The following WNT2B variants were observed in gnomAD, a reference collection of about 807,000 sequenced individuals.
WNT2B encodes protein Wnt-2b.
Under a neutral mutation model 40.5 loss-of-function variants are expected in WNT2B, and 19 were observed. That is an observed-to-expected ratio of 0.47 (90% CI 0.33 to 0.69). The LOEUF (loss-of-function observed/expected upper bound fraction) is 0.69. Ranked by LOEUF, WNT2B falls within the 30% of genes least tolerant of loss-of-function variation. The pLI, the probability that WNT2B is intolerant of heterozygous loss-of-function variation, is 0.02. For synonymous variants in WNT2B, 220 were observed against 211.9 expected, an observed-to-expected ratio of 1.04 and a Z score of -0.33; for missense variants, 467 against 556.4, an observed-to-expected ratio of 0.84 and a Z score of 1.62.
intron 1 of WNT2B, among the ~76,000 whole-genome samples, chr1:112,502,114 T>TC (rs973384692): frequency 6.6e-6 from 1 of 152,158 alleles, no homozygotes; most frequent in African/African-American, 2.4e-5. Flanking sequence ...CTGAGCGGTC[T>TC]CCCCTCACTC....
Position 112,526,145 on chromosome 1 carries a change from C to A in WNT2B, c.*5636C>A. 3 of 1,613,534 alleles carry A rather than the reference C, an allele frequency of 1.9e-6. No individual in the cohort carries two copies. Among genetic ancestry groups the A allele is most frequent in the Non-Finnish European group, 2.5e-6 (3 of 1,179,786 alleles). ...CAGAAATTGATACAAAATGTTCAAG[C>A]CCTGTAGGAGTCCCAGGACAGCCAA... On this transcript the variant is annotated 3_prime_UTR_variant, in exon 5 of 5. Coordinates refer to ENST00000369684, the MANE Select transcript of WNT2B (RefSeq NM_024494.3).
At chr1:112,500,862 T>C (rs1444854425) in intron 1 of WNT2B, among the ~76,000 whole-genome samples, 1 of 152,190 alleles carries the variant, frequency 6.6e-6, no homozygotes. Context: ...ATATCCCAGT[T>C]TTCCCGATTA....
intron 1 of WNT2B, among the ~76,000 whole-genome samples, chr1:112,493,212 A>C (rs1308305126): frequency 1.3e-5 from 2 of 152,222 alleles, no homozygotes; most frequent in Non-Finnish European, 2.9e-5. Flanking sequence ...AATGCTAGAG[A>C]TCCTGCTCCA....
In WNT2B at chr1:112,517,197, G is replaced by A. The variant is rs375265204; in HGVS notation, c.758G>A (p.Arg253His). Residue 253 changes from arginine (R) to histidine (H), a missense_variant, in exon 4 of 5, where the codon CGT becomes CAT. By Grantham distance (29) the Arg-to-His change is conservative (BLOSUM62 0). Coordinates refer to ENST00000369684, the MANE Select transcript of WNT2B (RefSeq NM_024494.3). ...TCCTGTACTCTGCGCACCTGCTGGC[G>A]TGCACTCTCAGATTTCCGCCGCACA... ...SGSCTLRTCW[R>H]ALSDFRRTGD... 2.5e-5 allele frequency: 40 copies of A among 1,614,066 alleles called. No homozygotes were observed. The highest frequency in any genetic ancestry group is 1.6e-4 in the Middle Eastern group (1 of 6,064).
intron 1 of WNT2B, among the ~76,000 whole-genome samples, chr1:112,472,551 C>T (rs909192481): frequency 1.4e-5 from 2 of 146,510 alleles, no homozygotes; most frequent in African/African-American, 5.1e-5. Flanking sequence ...CACCAACCCC[C>T]AACCAATGAA....
Position 112,481,917 on chromosome 1 carries a change from C to T in WNT2B, c.-95+14326C>T, listed in dbSNP as rs143961922. ...ATCCCAGCACCTTGGGAGGCAGAGG[C>T]GGGCAGATCACTTGAGGTCAGGAGT... On this transcript the variant is annotated intron_variant, in intron 1 of 4. Transcript: ENST00000256640. 5.7e-3 allele frequency among the ~76,000 whole-genome samples: 867 copies of T among 151,928 alleles called. 6 individuals carry two copies. Among genetic ancestry groups the T allele is most frequent in the African/African-American group, 0.019 (798 of 41,424 alleles).
intron 4 of WNT2B, among the ~76,000 whole-genome samples, 165 bp downstream of exon 4, chr1:112,517,550 C>G (rs1490917028): frequency 6.6e-6 from 1 of 152,178 alleles, no homozygotes; most frequent in Non-Finnish European, 1.5e-5. Flanking sequence ...TGCAGTCCAC[C>G]AGGCCCAGTG....
chr1:112,527,713 C>A lies in WNT2B; in HGVS notation c.*7204C>A, dbSNP rs1048735275. 1 of 152,546 alleles carries A rather than the reference C, an allele frequency of 6.6e-6. No individual in the cohort carries two copies. The highest frequency in any genetic ancestry group is 1.5e-5 in the Non-Finnish European group (1 of 68,050). The allele number at this position is 152,546 out of a possible 1,614,324, so 9.4% of individuals were successfully genotyped here. A position where few individuals can be genotyped will look rare whatever the true frequency, so the allele number is the denominator to read the frequency against. On this transcript the variant is annotated 3_prime_UTR_variant, in exon 5 of 5. Coordinates refer to ENST00000369684, the MANE Select transcript of WNT2B (RefSeq NM_024494.3). ...AGGTCTACTCCTGGTCTCACATCTA[C>A]TTCTTGAAGGTGTCTAAGTAGAATG...
chr1:112,487,213 A>G (rs879420011), intron 1 of WNT2B, among the ~76,000 whole-genome samples: 6 of 152,228 alleles, frequency 3.9e-5, no homozygotes, highest in Admixed American at 3.9e-4. Flanking sequence ...TACACACTAT[A>G]TGATTCTGTT....
chr1:112,503,226 A>C (rs1274602151), intron 1 of WNT2B, among the ~76,000 whole-genome samples: 1 of 152,134 alleles, frequency 6.6e-6, no homozygotes, highest in East Asian at 1.9e-4. Flanking sequence ...TCCTGACTTC[A>C]GGGTCAGATT....
chr1:112,489,117 A>T (rs1651514385), intron 1 of WNT2B, among the ~76,000 whole-genome samples: 1 of 152,168 alleles, frequency 6.6e-6, no homozygotes, highest in African/African-American at 2.4e-5. Context: ...GGTTCAAGGT[A>T]CTTAGATGTT....
At chr1:112,520,109 G>A (rs1435849415) in intron 4 of WNT2B, among the ~76,000 whole-genome samples, 171 bp from the exon 5 acceptor site, 1 of 152,066 alleles carries the variant, frequency 6.6e-6, no homozygotes, top group African/African-American at 2.4e-5. Context: ...TGGACTCAAG[G>A]ATTCCTTCTG....
At chr1:112,468,153 T>A (rs1374627195) in intron 1 of WNT2B, among the ~76,000 whole-genome samples, 1 of 152,240 alleles carries the variant, frequency 6.6e-6, no homozygotes, top group Admixed American at 6.5e-5. Flanking sequence ...TTCTTTTTTA[T>A]GACCAATAAT....
chr1:112,489,288 G>A (rs1651523164), intron 1 of WNT2B, among the ~76,000 whole-genome samples: 1 of 152,006 alleles, frequency 6.6e-6, no homozygotes, highest in Non-Finnish European at 1.5e-5. Context: ...GCCAGGCACA[G>A]TGGCTCACAC....
At chr1:112,508,652 C>T, upstream of WNT2B, 1 of 948,264 alleles carries the variant, frequency 1.1e-6, no homozygotes, top group Non-Finnish European at 1.3e-6. The surrounding 1 kb of genome is among the most constrained non-coding windows in gnomAD (Gnocchi z 4.2). Context: ...GCTCCGCCAG[C>T]CTGGCCGTCA....
intron 1 of WNT2B, among the ~76,000 whole-genome samples, chr1:112,513,556 G>A (rs1652427706): frequency 6.6e-6 from 1 of 151,910 alleles, no homozygotes; most frequent in Non-Finnish European, 1.5e-5. Flanking sequence ...GGGGGTGGTG[G>A]GGGGGGACAC....
In WNT2B at chr1:112,509,811, C is replaced by T. The variant is rs1051806410; in HGVS notation, c.182+367C>T. Among the ~76,000 whole-genome samples, 3 of 152,130 alleles carry T rather than the reference C, an allele frequency of 2.0e-5. No homozygotes were observed. The highest frequency in any genetic ancestry group is 2.0e-4 in the Admixed American group (3 of 15,282). Reference sequence around the variant, plus strand: ...CCTTCCAGGGCCCGCAATAGCTTCGCCAGGGCCCCAATCGCCTAAGGTCGC... The same window carrying T: ...CCTTCCAGGGCCCGCAATAGCTTCGTCAGGGCCCCAATCGCCTAAGGTCGC... On this transcript the variant is annotated intron_variant, in intron 1 of 4. Transcript: ENST00000369684. The surrounding 1 kb of genome is among the most constrained non-coding windows in gnomAD (Gnocchi z 4.2).
At chr1:112,506,488 CA>C (rs777921221), upstream of WNT2B, among the ~76,000 whole-genome samples, 69 of 152,322 alleles carry the variant, frequency 4.5e-4, no homozygotes, top group Middle Eastern at 3.4e-3. Flanking sequence ...CGCTTTCCAC[CA>C]ACCCCAGGCC....
At chr1:112,467,843 C>T (rs1232618289) in intron 1 of WNT2B, among the ~76,000 whole-genome samples, 1 of 152,180 alleles carries the variant, frequency 6.6e-6, no homozygotes, top group Non-Finnish European at 1.5e-5. Flanking sequence ...TACTTTGAAA[C>T]ATACAAAGTA....
Sources: gnomAD v4.1 joint callset for allele counts (sites outside exome capture counted in the v4.1 genomes callset) on GRCh38, gnomAD v4.1.1 for gene constraint, Gnocchi (gnomAD v3.1) non-coding constraint, MANE v1.5 for transcripts, NCBI Gene and HGNC (gene_info 2026-07-23, HGNC 2026-07-21) for gene names.